The following RFT1 variants were observed in gnomAD, a reference collection of about 807,000 sequenced individuals.
The protein encoded by RFT1 is man(5)GlcNAc(2)-PP-dolichol translocation protein RFT1.
A neutral mutation model predicts 62.2 loss-of-function variants in RFT1; 43 were observed. The ratio of observed to expected loss-of-function variants is 0.69; its 90% CI spans 0.54 to 0.89. The LOEUF is 0.89. RFT1 is among the 40% of genes least tolerant of loss of function. The pLI, the probability that RFT1 is intolerant of heterozygous loss-of-function variation, is 0.00. For missense variants in RFT1, 605 were observed against 649.9 expected, an observed-to-expected ratio of 0.93 and a Z score of 0.75; for synonymous variants, 262 against 264.6, an observed-to-expected ratio of 0.99 and a Z score of 0.10.
At chr3:53,102,349 C>T (rs1042854349) in intron 10 of RFT1, among the ~76,000 whole-genome samples, 2 of 152,146 alleles carry the variant, frequency 1.3e-5, no homozygotes, top group Non-Finnish European at 2.9e-5. Flanking sequence ...GTCTGTGGTA[C>T]TTTGTCATGG....
the RFT1 span, among the ~76,000 whole-genome samples, chr3:53,069,858 T>C: frequency 6.6e-6 from 1 of 152,318 alleles, no homozygotes; most frequent in Non-Finnish European, 1.5e-5. Flanking sequence ...GTAAACCCTG[T>C]GGGTTTCCCA....
chr3:53,070,425 G>A, the RFT1 span, among the ~76,000 whole-genome samples: 3 of 62,760 alleles, frequency 4.8e-5, no homozygotes, highest in Non-Finnish European at 9.9e-5. Flanking sequence ...TTTTTGAGAC[G>A]GAGTCTCACT....
chr3:53,068,454 C>T, the RFT1 span, among the ~76,000 whole-genome samples: 1 of 152,240 alleles, frequency 6.6e-6, no homozygotes, highest in Non-Finnish European at 1.5e-5. Flanking sequence ...ATCAGATGAC[C>T]TGTCCATGGG....
the RFT1 span, among the ~76,000 whole-genome samples, chr3:53,072,353 C>T: frequency 9.2e-5 from 14 of 152,276 alleles, no homozygotes; most frequent in Admixed American, 9.1e-4. Context: ...CTCAGTTTCC[C>T]CAACTGCAAA....
chr3:53,074,308 G>A, the RFT1 span, among the ~76,000 whole-genome samples: 1 of 152,172 alleles, frequency 6.6e-6, no homozygotes, highest in Admixed American at 6.5e-5. Flanking sequence ...AGTTCTCACT[G>A]CCTAAGTCAC....
rs147915986 is a variant in RFT1 at position 53,122,559 on chromosome 3, G to A, written c.271C>T (p.Pro91Ser). 2 of 1,600,244 alleles carry A rather than the reference G, an allele frequency of 1.2e-6. No individual in the cohort carries two copies. Among genetic ancestry groups the A allele is most frequent in the African/African-American group, 2.7e-5 (2 of 74,254 alleles). The change falls in exon 4 of 13, where the codon CCC becomes TCC. Residue 91 changes from proline (P) to serine (S), a missense_variant. By Grantham distance (74) the Pro-to-Ser change is moderately conservative (BLOSUM62 -1). Coordinates refer to ENST00000296292, the MANE Select transcript of RFT1 (RefSeq NM_052859.4). ...AATAAGGACCAAAACACACCCAGGGGGACTCTAGAAGAGGAGAAAAAAATA... is the reference window on the plus strand; with the variant it reads ...AATAAGGACCAAAACACACCCAGGGAGACTCTAGAAGAGGAGAAAAAAATA... The part of the protein sequence containing the change: ...QTLNLLWLTV[P>S]LGVFWSLFLG...
chr3:53,120,943 G>A (rs1701952206), intron 5 of RFT1, among the ~76,000 whole-genome samples: 1 of 152,232 alleles, frequency 6.6e-6, no homozygotes, highest in Admixed American at 6.5e-5. Context: ...CGGCACTGCT[G>A]TGAGCCACCC....
intron 11 of RFT1, among the ~76,000 whole-genome samples, chr3:53,098,029 G>C (rs1701192655): frequency 6.6e-6 from 1 of 152,226 alleles, no homozygotes; most frequent in Non-Finnish European, 1.5e-5. Context: ...ATAGAAGAGA[G>C]AGTAGAAAGC....
At chr3:53,107,707 G>A (rs1421484099) in intron 7 of RFT1, among the ~76,000 whole-genome samples, 2 of 151,612 alleles carry the variant, frequency 1.3e-5, no homozygotes, top group Non-Finnish European at 2.9e-5. Context: ...CCTTCAAGGT[G>A]AAGACACCAG....
At chr3:53,111,800 C>T in intron 7 of RFT1, 30 bp downstream of exon 7, 2 of 1,581,230 alleles carry the variant, frequency 1.3e-6, no homozygotes, top group South Asian at 1.1e-5. Context: ...ACTATGGTCT[C>T]CCGACGATTC....
intron 6 of RFT1, 118 bp from the exon 7 acceptor site, chr3:53,112,026 C>A: frequency 1.3e-6 from 1 of 786,322 alleles, no homozygotes; most frequent in Non-Finnish European, 2.2e-6. Context: ...ATAGTCTCCA[C>A]TGAATCCTCA....
chr3:53,114,125 C>T (rs929824582), intron 6 of RFT1, among the ~76,000 whole-genome samples: 10 of 152,172 alleles, frequency 6.6e-5, no homozygotes, highest in South Asian at 2.1e-4. Flanking sequence ...CTGGGGACCA[C>T]GTCATCTTCA....
At chr3:53,104,681 T>C (rs946605191) in intron 9 of RFT1, among the ~76,000 whole-genome samples, 1 of 152,268 alleles carries the variant, frequency 6.6e-6, no homozygotes, top group African/African-American at 2.4e-5. Context: ...TTAGCTCATT[T>C]TGAGATATTG....
chr3:53,108,703 GTT>G (rs755150404), intron 7 of RFT1, among the ~76,000 whole-genome samples: 4 of 140,222 alleles, frequency 2.9e-5, no homozygotes, highest in Non-Finnish European at 1.6e-5. Context: ...TCTTTAAATG[GTT>G]TTTTTTTTTT....
At chr3:53,103,059 A>G (rs1272314095) in intron 10 of RFT1, 5 of 971,574 alleles carry the variant, frequency 5.1e-6, no homozygotes, top group African/African-American at 1.8e-5. Context: ...AAACCACTTC[A>G]CTGGTTTCAC....
At chr3:53,116,634 C>T (rs1701812958) in intron 6 of RFT1, among the ~76,000 whole-genome samples, 1 of 151,334 alleles carries the variant, frequency 6.6e-6, no homozygotes, top group Admixed American at 6.6e-5. Context: ...CAGAGTCTTG[C>T]TCTGTTGCCC....
Position 53,125,965 on chromosome 3 carries a change from C to A in RFT1, c.93G>T (p.Leu31Phe). 1 of 1,613,722 alleles carries A rather than the reference C, an allele frequency of 6.2e-7. No individual in the cohort carries two copies. Among genetic ancestry groups the A allele is most frequent in the South Asian group, 1.1e-5 (1 of 91,006 alleles). Residue 31 changes from leucine to phenylalanine, a missense_variant, in exon 2 of 13, where the codon TTG (leucine) becomes TTT (phenylalanine). Physicochemically the swap from Leu to Phe is conservative, Grantham distance 22 (BLOSUM62 0). Transcript: ENST00000296292. ...ACAGGAAGCGAAGAATAAATGCATTCAAGACAAAGGTGATCAACCGAAACA... is the reference window on the plus strand; with the variant it reads ...ACAGGAAGCGAAGAATAAATGCATTAAAGACAAAGGTGATCAACCGAAACA... ...QVLFRLITFV[L>F]NAFILRFLSK...
chr3:53,099,451 G>A lies in RFT1; in HGVS notation c.1138C>T (p.Leu380Phe), dbSNP rs575508213. 1.9e-6 allele frequency: 3 copies of A among 1,614,040 alleles called. No homozygotes were observed. Among genetic ancestry groups the A allele is most frequent in the East Asian group, 4.5e-5 (2 of 44,866 alleles). ...VLLRSYCLYV[L>F]LLAINGVTEC... Reference sequence around the variant, plus strand: ...GTCACTCCATTGATGGCAAGCAGGAGAACATAGAGACAGTAGGAACGCAGC... The same window carrying A: ...GTCACTCCATTGATGGCAAGCAGGAAAACATAGAGACAGTAGGAACGCAGC... The change falls in exon 11 of 13, where the codon CTC becomes TTC. Residue 380 changes from leucine to phenylalanine, a missense_variant. Transcript: ENST00000296292.
rs1701484683 is a variant in RFT1, at chr3:53,106,675, G to A, written c.826+144C>T. On this transcript the variant is annotated intron_variant, in intron 8 of 12. Transcript: ENST00000296292. ...AAAGTCATGTTGGAGGGCATAGTCA[G>A]TACAAAGACCTACAATTTACAATCT... 1.1e-5 allele frequency: 8 copies of A among 727,672 alleles called. No homozygotes were observed. In the Admixed American group the frequency reaches 1.4e-4, roughly 12 times the overall value. 45.1% of individuals were successfully genotyped at this position (727,672 alleles called of 1,614,324 possible).
Sources: allele counts gnomAD v4.1 joint callset (sites outside exome capture counted in the v4.1 genomes callset), GRCh38; gene constraint gnomAD v4.1.1; transcripts MANE v1.5; gene names NCBI Gene and HGNC (gene_info 2026-07-23, HGNC 2026-07-21).